The following BTBD9 variants were observed in gnomAD, a reference collection of about 807,000 sequenced individuals.
BTBD9 encodes the protein BTB domain containing 9.
In BTBD9, 49 loss-of-function variants were observed where a neutral mutation model predicts 64.3. The observed-to-expected ratio is 0.76, with a 90% CI of 0.61 to 0.97. The LOEUF (loss-of-function observed/expected upper bound fraction) is 0.97. BTBD9 is among the 50% of genes least tolerant of loss of function. The pLI is 0.00. For missense variants in BTBD9, 598 were observed against 762.1 expected (o/e 0.78, Z 2.53); for synonymous variants, 260 against 274.7 (o/e 0.95, Z 0.53).
chr6:38,522,805 C>G (rs1328415207), intron 6 of BTBD9, among the ~76,000 whole-genome samples: 3 of 152,166 alleles, frequency 2.0e-5, no homozygotes, highest in African/African-American at 7.2e-5. Context: ...CACCCACAGA[C>G]AGCTCCCTAT....
At position 38,184,563 on chromosome 6, in the gene BTBD9, T is replaced by G. The variant is rs1029897897; in HGVS notation, c.1641+7956A>C. Among the ~76,000 whole-genome samples, 1 of 152,054 alleles carries G rather than the reference T, an allele frequency of 6.6e-6. No individual in the cohort carries two copies. The highest frequency in any genetic ancestry group is 1.5e-5 in the Non-Finnish European group (1 of 68,000). ...CTCTCCATTTGCTCTCTCTGTGCTC[T>G]GCCACAGAGCACAGAGAGCGCCCAC... On this transcript the variant is annotated intron_variant, in intron 10 of 10. Transcript: ENST00000481247. This position sits in a 1 kb window ranked among gnomAD's most constrained non-coding sequence, Gnocchi z 4.4.
At chr6:38,210,293 A>ATCTCTCTC (rs373684615) in intron 9 of BTBD9, among the ~76,000 whole-genome samples, 7 of 150,812 alleles carry the variant, frequency 4.6e-5, no homozygotes, top group Admixed American at 1.3e-4. Context: ...TTAGATAATT[A>ATCTCTCTC]TCTCTCTCTC....
At chr6:38,203,334 T>C (rs1422268556) in intron 9 of BTBD9, among the ~76,000 whole-genome samples, 1 of 152,124 alleles carries the variant, frequency 6.6e-6, no homozygotes, top group African/African-American at 2.4e-5. Flanking sequence ...AGTACAACTA[T>C]AGGAAATGGA....
intron 1 of BTBD9, among the ~76,000 whole-genome samples, chr6:38,632,740 T>C (rs1160917397): frequency 2.6e-5 from 4 of 152,014 alleles, no homozygotes; most frequent in African/African-American, 9.7e-5. Flanking sequence ...AAGAACAGCC[T>C]AGGCAAACAG....
intron 6 of BTBD9, among the ~76,000 whole-genome samples, chr6:38,555,633 T>C (rs1404706366): frequency 6.6e-6 from 1 of 152,220 alleles, no homozygotes; most frequent in African/African-American, 2.4e-5. Context: ...GTGAAGAATA[T>C]TCTTCCAAAA....
intron 7 of BTBD9, among the ~76,000 whole-genome samples, chr6:38,291,726 C>T (rs989368623): frequency 2.0e-5 from 3 of 152,082 alleles, no homozygotes; most frequent in Admixed American, 2.0e-4. Flanking sequence ...TTATCTAAGG[C>T]CTTTTCTGCG....
intron 9 of BTBD9, among the ~76,000 whole-genome samples, chr6:38,253,063 G>A (rs1245815488): frequency 1.3e-5 from 2 of 152,020 alleles, no homozygotes; most frequent in African/African-American, 2.4e-5. Flanking sequence ...CCAGTGAGCC[G>A]AGCTCATGCC....
intron 6 of BTBD9, among the ~76,000 whole-genome samples, chr6:38,358,876 A>G (rs1298648220): frequency 2.7e-5 from 4 of 150,384 alleles, no homozygotes; most frequent in Non-Finnish European, 5.9e-5. Flanking sequence ...GGTTCACGCC[A>G]TTCTCCTGCC....
intron 7 of BTBD9, among the ~76,000 whole-genome samples, chr6:38,298,545 T>A (rs920366042): frequency 6.6e-6 from 1 of 152,174 alleles, no homozygotes; most frequent in Non-Finnish European, 1.5e-5. Context: ...AAATACACAA[T>A]ACATTGTTAT....
At chr6:38,395,070 G>T (rs1766604764) in intron 6 of BTBD9, among the ~76,000 whole-genome samples, 1 of 152,128 alleles carries the variant, frequency 6.6e-6, no homozygotes, top group Non-Finnish European at 1.5e-5. Context: ...TTAGGAGGTG[G>T]GGGCTTTGGG....
chr6:38,334,213 G>A (rs1763791609), intron 7 of BTBD9, among the ~76,000 whole-genome samples: 1 of 152,302 alleles, frequency 6.6e-6, no homozygotes, highest in East Asian at 1.9e-4. Context: ...TGTCCTGGCT[G>A]CTTCTAAAAG....
At chr6:38,302,023 T>A (rs1438503372) in intron 7 of BTBD9, among the ~76,000 whole-genome samples, 3 of 152,216 alleles carry the variant, frequency 2.0e-5, no homozygotes. Context: ...CTCTACACAT[T>A]TATGGGGTAA....
chr6:38,210,901 T>G (rs1258172218), intron 9 of BTBD9, among the ~76,000 whole-genome samples: 1 of 152,140 alleles, frequency 6.6e-6, no homozygotes, highest in Non-Finnish European at 1.5e-5. Context: ...TTGAACACAC[T>G]GCTACACATT....
At chr6:38,219,096 G>A (rs1335611915) in intron 9 of BTBD9, among the ~76,000 whole-genome samples, 1 of 149,590 alleles carries the variant, frequency 6.7e-6, no homozygotes, top group Admixed American at 6.7e-5. Flanking sequence ...GAGAGGGACA[G>A]ATAGTATTAA....
chr6:38,306,324 G>A (rs1042006894), intron 7 of BTBD9, among the ~76,000 whole-genome samples: 1 of 152,134 alleles, frequency 6.6e-6, no homozygotes, highest in African/African-American at 2.4e-5. Flanking sequence ...TCTTGTATCT[G>A]TCTCTTTCTG....
In BTBD9 at chr6:38,169,398, C is replaced by T. The variant is rs1297036866; in HGVS notation, c.*5587G>A. 3.3e-5 allele frequency: 5 copies of T among 152,384 alleles called. No individual in the cohort carries two copies. The highest frequency in any genetic ancestry group is 2.6e-4 in the Admixed American group (4 of 15,292). The allele number at this position is 152,384 out of a possible 1,614,324, so 9.4% of individuals were successfully genotyped here. A position where few individuals can be genotyped will look rare whatever the true frequency, so the allele number is the denominator to read the frequency against. ...GGGAGATGAGCTGGTGCCGTCCCCT[C>T]CCAATTCCGCTCAGATGGGCACCCT... On this transcript the variant is annotated 3_prime_UTR_variant, in exon 11 of 11. Transcript: ENST00000481247.
At chr6:38,313,791 C>CCAGGCTGGAGTG (rs1762935691) in intron 7 of BTBD9, among the ~76,000 whole-genome samples, 1 of 144,400 alleles carries the variant, frequency 6.9e-6, no homozygotes, top group East Asian at 2.0e-4. Flanking sequence ...ACTCCGTCGT[C>CCAGGCTGGAGTG]CAGGCTGGAG....
At chr6:38,325,557 C>A (rs377453450) in intron 7 of BTBD9, among the ~76,000 whole-genome samples, 1 of 152,198 alleles carries the variant, frequency 6.6e-6, no homozygotes, top group East Asian at 1.9e-4. Context: ...TGGTGGTGGG[C>A]GCCTGTAGTC....
chr6:38,202,947 A>C (rs951091408), intron 9 of BTBD9, among the ~76,000 whole-genome samples: 6 of 152,206 alleles, frequency 3.9e-5, no homozygotes, highest in Admixed American at 1.3e-4. Context: ...CCCGCAAACT[A>C]TTCATCTAAC....
Sources: gnomAD v4.1 joint callset for allele counts (sites outside exome capture counted in the v4.1 genomes callset) on GRCh38, gnomAD v4.1.1 for gene constraint, Gnocchi (gnomAD v3.1) non-coding constraint, MANE v1.5 for transcripts, NCBI Gene and HGNC (gene_info 2026-07-23, HGNC 2026-07-21) for gene names.